The following LY86 variants were observed in gnomAD, a reference collection of about 807,000 sequenced individuals.
The protein encoded by LY86 is MD-1, RP105-associated.
A neutral mutation model predicts 17.3 loss-of-function variants in LY86; 20 were observed. The observed-to-expected ratio is 1.15, with a 90% confidence interval of 0.81 to 1.68. The LOEUF (loss-of-function observed/expected upper bound fraction) is 1.68, where lower values mean the gene tolerates loss of function less well. Among genes scored for constraint, LY86 ranks in the 40% most tolerant of loss-of-function variants. The probability of loss-of-function intolerance (pLI) is 0.00; values close to 1 mark genes in which losing one functional copy is unlikely to be tolerated. For missense variants in LY86, 200 were observed against 191.9 expected, an observed-to-expected ratio of 1.04 and a Z score of -0.25; for synonymous variants, 74 against 70.6, an observed-to-expected ratio of 1.05 and a Z score of -0.24.
At chr6:6,605,059 CGA>C (rs1429262808) in intron 1 of LY86, among the ~76,000 whole-genome samples, 2 of 151,234 alleles carry the variant, frequency 1.3e-5, no homozygotes, top group Non-Finnish European at 2.9e-5. Flanking sequence ...TGTTTGCCAC[CGA>C]GACTCTCACT....
At chr6:6,613,685 A>C (rs943206581) in intron 1 of LY86, among the ~76,000 whole-genome samples, 1 of 152,236 alleles carries the variant, frequency 6.6e-6, no homozygotes, top group Admixed American at 6.5e-5. Context: ...CAGCCCAGAA[A>C]GGGGTTCCCA....
At chr6:6,633,592 C>T (rs2113148826) in intron 3 of LY86, among the ~76,000 whole-genome samples, 1 of 152,248 alleles carries the variant, frequency 6.6e-6, no homozygotes, top group South Asian at 2.1e-4. Context: ...TCCCATCCCC[C>T]ACCCTCCAAC....
chr6:6,607,798 G>A (rs1349752766), intron 1 of LY86, among the ~76,000 whole-genome samples: 1 of 152,098 alleles, frequency 6.6e-6, no homozygotes, highest in Non-Finnish European at 1.5e-5. Flanking sequence ...TACTCGGGAG[G>A]TTGAGGCAGG....
intron 1 of LY86, among the ~76,000 whole-genome samples, chr6:6,605,301 G>A (rs893463785): frequency 3.9e-5 from 6 of 152,218 alleles, no homozygotes; most frequent in Admixed American, 1.3e-4. Flanking sequence ...TCTGGGGCAG[G>A]AATTTGGGTG....
chr6:6,594,050 G>T (rs764512135), intron 1 of LY86, among the ~76,000 whole-genome samples: 2 of 152,258 alleles, frequency 1.3e-5, no homozygotes, highest in Non-Finnish European at 2.9e-5. Flanking sequence ...GTAAGGGTCA[G>T]ATAGAGTTCT....
intron 1 of LY86, among the ~76,000 whole-genome samples, chr6:6,593,933 C>T (rs576601235): frequency 5.9e-4 from 90 of 152,342 alleles, no homozygotes; most frequent in Middle Eastern, 3.4e-3. Flanking sequence ...ACAGGTCAGC[C>T]TTCTTTGAGA....
chr6:6,611,737 ACTAAATCAC>A (rs1360364744), intron 1 of LY86, among the ~76,000 whole-genome samples: 1 of 152,148 alleles, frequency 6.6e-6, no homozygotes, highest in African/African-American at 2.4e-5. Context: ...TATGCTTAAG[ACTAAATCAC>A]CTTTGTATCC....
At chr6:6,605,650 C>T (rs145659063) in intron 1 of LY86, among the ~76,000 whole-genome samples, 1 of 152,358 alleles carries the variant, frequency 6.6e-6, no homozygotes, top group East Asian at 1.9e-4. Flanking sequence ...TCGCTATGTT[C>T]TACTGTGTCT....
chr6:6,592,088 T>G (rs999673473), intron 1 of LY86, among the ~76,000 whole-genome samples: 2 of 152,176 alleles, frequency 1.3e-5, no homozygotes, highest in Non-Finnish European at 2.9e-5. Flanking sequence ...AAAATAGGGT[T>G]TTCTCCAGGT....
intron 3 of LY86, among the ~76,000 whole-genome samples, chr6:6,637,315 A>G (rs1761975247): frequency 6.6e-6 from 1 of 151,850 alleles, no homozygotes; most frequent in African/African-American, 2.4e-5. Flanking sequence ...CTGGCCACAT[A>G]CTGTTTTTTA....
chr6:6,614,781 C>A (rs1298791576), intron 1 of LY86, among the ~76,000 whole-genome samples: 1 of 152,064 alleles, frequency 6.6e-6, no homozygotes, highest in Non-Finnish European at 1.5e-5. Context: ...TGCAAGAATC[C>A]TACCTAAGCA....
At chr6:6,625,471 A>G (rs3804476) in intron 2 of LY86, among the ~76,000 whole-genome samples, 51,686 of 152,054 alleles carry the variant, frequency 0.34, 10,162 homozygotes, top group Non-Finnish European at 0.43. Context: ...GAGATGTAAT[A>G]TTTTCTCTCC....
intron 1 of LY86, among the ~76,000 whole-genome samples, chr6:6,603,234 T>G (rs1760969653): frequency 6.6e-6 from 1 of 152,060 alleles, no homozygotes; most frequent in Non-Finnish European, 1.5e-5. Flanking sequence ...GAATTAGGTT[T>G]TAACATATAA....
At position 6,626,322 on chromosome 6, in the gene LY86, C is replaced by A. The variant is rs776855605; in HGVS notation, c.253C>A (p.Leu85Ile). The change falls in exon 3 of 5, where the codon CTA becomes ATA. Residue 85 changes from leucine (L) to isoleucine (I), a missense_variant. Coordinates refer to ENST00000230568, the MANE Select transcript of LY86 (RefSeq NM_004271.4). ...GGACATCAAAGAGCTTTTTCTTGAC[C>A]TAGCTCTCATGTCTCAAGGCTCATC... ...REDIKELFLDLALMSQGSSVL... is the reference protein window; with the variant it reads ...REDIKELFLDIALMSQGSSVL... 1.2e-6 allele frequency: 2 copies of A among 1,613,974 alleles called. No individual in the cohort carries two copies. Among genetic ancestry groups the A allele is most frequent in the Admixed American group, 1.7e-5 (1 of 60,020 alleles).
At chr6:6,634,140 G>A (rs988625410) in intron 3 of LY86, among the ~76,000 whole-genome samples, 2 of 152,186 alleles carry the variant, frequency 1.3e-5, no homozygotes, top group Non-Finnish European at 2.9e-5. Flanking sequence ...TTCTCAGTAT[G>A]AGCAAAATCC....
At chr6:6,626,921 C>T (rs142495441) in intron 3 of LY86, among the ~76,000 whole-genome samples, 57 of 152,256 alleles carry the variant, frequency 3.7e-4, no homozygotes, top group African/African-American at 1.3e-3. Flanking sequence ...AGTAGAGAAA[C>T]GGAAACCCCA....
intron 1 of LY86, among the ~76,000 whole-genome samples, chr6:6,618,502 C>T (rs181786027): frequency 5.3e-5 from 8 of 152,114 alleles, no homozygotes. Context: ...CCAAACATAC[C>T]TTCTCACTCA....
At chr6:6,625,863 T>G (rs141748971) in intron 2 of LY86, among the ~76,000 whole-genome samples, 2,396 of 152,300 alleles carry the variant, frequency 0.016, 26 homozygotes, top group Non-Finnish European at 0.025. Context: ...TGGAACCCGC[T>G]GCAGCTTCCT....
At chr6:6,613,255 C>A (rs1463321929) in intron 1 of LY86, among the ~76,000 whole-genome samples, 1 of 152,262 alleles carries the variant, frequency 6.6e-6, no homozygotes, top group South Asian at 2.1e-4. Context: ...GAGCTGCCTG[C>A]CAATCCCGCG....
Sources: allele counts gnomAD v4.1 joint callset (sites outside exome capture counted in the v4.1 genomes callset), GRCh38; gene constraint gnomAD v4.1.1; transcripts MANE v1.5; gene names NCBI Gene and HGNC (gene_info 2026-07-23, HGNC 2026-07-21).